Variants in IL1RL2 observed in about 807,000 individuals in gnomAD.
IL1RL2 encodes interleukin-1 receptor-like 2.
A neutral mutation model predicts 66.8 loss-of-function variants in IL1RL2; 68 were observed. That is an observed-to-expected ratio of 1.02 (90% CI 0.84 to 1.25). IL1RL2 has a LOEUF of 1.25. Ranked by LOEUF, IL1RL2 falls within the 50% of genes most tolerant of loss-of-function variation. IL1RL2 has a pLI of 0.00. For missense variants in IL1RL2, 729 were observed against 709.3 expected (o/e 1.03, Z -0.32); for synonymous variants, 305 against 264.6 (o/e 1.15, Z -1.48).
At chr2:102,219,160 C>A in intron 7 of IL1RL2, 78 bp downstream of exon 7, 2 of 1,481,480 alleles carry the variant, frequency 1.3e-6, no homozygotes, top group Non-Finnish European at 9.4e-7. Flanking sequence ...ATCACTACTG[C>A]CTTCTCCTCT....
Position 102,239,776 on chromosome 2 carries a change from T to TG in IL1RL2, c.*540dup, listed in dbSNP as rs1675169123. 7.5e-6 allele frequency: 1 copy of TG among 133,008 alleles called. No individual in the cohort carries two copies. The highest frequency in any genetic ancestry group is 7.2e-5 in the Admixed American group (1 of 13,850). 8.2% of individuals were successfully genotyped at this position (133,008 alleles called of 1,614,324 possible). A position where few individuals can be genotyped will look rare whatever the true frequency, so the allele number is the denominator to read the frequency against. Reference sequence around the variant, plus strand: ...CACCATGTCATGGTGGGTGAGATCTTGGGGGATCACCTGTCATGGTGGGTG... The same window carrying TG: ...CACCATGTCATGGTGGGTGAGATCTTGGGGGGATCACCTGTCATGGTGGGTG... On this transcript the variant is annotated 3_prime_UTR_variant, in exon 12 of 12. Transcript: ENST00000264257.
At chr2:102,229,124 T>C (rs2104874415) in intron 9 of IL1RL2, among the ~76,000 whole-genome samples, 1 of 152,348 alleles carries the variant, frequency 6.6e-6, no homozygotes, top group East Asian at 1.9e-4. Flanking sequence ...AGCAATATCA[T>C]ATTGAGAGAA....
intron 6 of IL1RL2, among the ~76,000 whole-genome samples, chr2:102,216,949 A>G (rs1386129582): frequency 5.9e-5 from 9 of 152,086 alleles, no homozygotes; most frequent in Non-Finnish European, 1.3e-4. Context: ...GTCTGTAGTT[A>G]TTTTTGACCA....
At chr2:102,206,826 C>A (rs1688746405) in intron 5 of IL1RL2, among the ~76,000 whole-genome samples, 1 of 152,256 alleles carries the variant, frequency 6.6e-6, no homozygotes, top group Non-Finnish European at 1.5e-5. Flanking sequence ...GGCTGATTGC[C>A]ACTGGCAAGG....
chr2:102,214,898 G>A (rs1689472592), intron 6 of IL1RL2, among the ~76,000 whole-genome samples: 1 of 152,182 alleles, frequency 6.6e-6, no homozygotes, highest in Non-Finnish European at 1.5e-5. Context: ...TTTGACTAGC[G>A]TGTCTGAAGG....
At chr2:102,233,187 C>T (rs1385188049) in intron 10 of IL1RL2, 63 bp downstream of exon 10, 1 of 1,483,058 alleles carries the variant, frequency 6.7e-7, no homozygotes, top group Non-Finnish European at 9.3e-7. Context: ...CTCTGTTCCT[C>T]CACTTTACTA....
intron 5 of IL1RL2, among the ~76,000 whole-genome samples, chr2:102,203,342 CTCTT>C (rs753718844): frequency 1.1e-4 from 16 of 150,408 alleles, no homozygotes; most frequent in South Asian, 6.3e-4. Context: ...AGTTTTCTCT[CTCTT>C]TTTTTTTTTT....
chr2:102,238,037 A>AT (rs1675024282), intron 11 of IL1RL2, among the ~76,000 whole-genome samples: 1 of 152,162 alleles, frequency 6.6e-6, no homozygotes, highest in Non-Finnish European at 1.5e-5. Context: ...TTATAATTTA[A>AT]TGATTCACAA....
intron 2 of IL1RL2, 25 bp from the exon 3 acceptor site, chr2:102,189,051 T>G (rs764564956): frequency 1.3e-6 from 2 of 1,541,700 alleles, no homozygotes; most frequent in African/African-American, 2.7e-5. Context: ...TGGATAATTG[T>G]TTTGTTTTGT....
In IL1RL2 at chr2:102,235,224, G is replaced by A. The variant is rs531412924; in HGVS notation, c.1625G>A (p.Arg542Gln). Residue 542 changes from arginine to glutamine, a missense_variant, in exon 11 of 12, where the codon CGG becomes CAG. Transcript: ENST00000264257. ...VRYHMPPRRC[R>Q]PFPPVQLLQH... The stretch of plus-strand genomic sequence containing the variant: ...TACCACATGCCGCCCAGAAGGTGTC[G>A]GCCGTTTCCTCCGGTCCAGCTGCTG... 1.7e-5 allele frequency: 27 copies of A among 1,614,130 alleles called. 1 individual carries two copies. The South Asian group carries it at 2.1e-4, about 12-fold the overall frequency.
intron 4 of IL1RL2, 95 bp from the exon 5 acceptor site, chr2:102,201,461 T>C (rs1429905941): frequency 3.6e-5 from 40 of 1,112,162 alleles, no homozygotes; most frequent in Non-Finnish European, 4.8e-5. Context: ...TAGCTATCTG[T>C]TGTCTTCCAG....
chr2:102,230,507 G>A (rs1186094231), intron 9 of IL1RL2, among the ~76,000 whole-genome samples: 1 of 152,168 alleles, frequency 6.6e-6, no homozygotes, highest in African/African-American at 2.4e-5. Context: ...CCCCAACATA[G>A]ATATAAGCTC....
chr2:102,221,358 T>C (rs1016247658), intron 8 of IL1RL2, among the ~76,000 whole-genome samples: 4 of 152,142 alleles, frequency 2.6e-5, no homozygotes, highest in Non-Finnish European at 5.9e-5. Context: ...ACAGGTTCCA[T>C]ATATTGAGCT....
chr2:102,189,438 A>G, intron 3 of IL1RL2, 128 bp downstream of exon 3: 1 of 643,062 alleles, frequency 1.6e-6, no homozygotes, highest in Non-Finnish European at 2.6e-6. Context: ...AATTGCTACA[A>G]GACAATTTCC....
rs1674760225 is a variant in IL1RL2 at position 102,235,199 on chromosome 2, T to C, written c.1600T>C (p.Tyr534His). 2 of 1,614,182 alleles carry C rather than the reference T, an allele frequency of 1.2e-6. No individual in the cohort carries two copies. The highest frequency in any genetic ancestry group is 1.7e-6 in the Non-Finnish European group (2 of 1,180,040). ...MKTKFWKTVR[Y>H]HMPPRRCRPF... ...GACCAAGTTTTGGAAGACAGTGAGA[T>C]ACCACATGCCGCCCAGAAGGTGTCG... Residue 534 changes from tyrosine to histidine, a missense_variant, in exon 11 of 12, where the codon TAC becomes CAC. Physicochemically the swap from Tyr to His is moderately conservative, Grantham distance 83 (BLOSUM62 2). Coordinates refer to ENST00000264257, the MANE Select transcript of IL1RL2 (RefSeq NM_003854.4).
At chr2:102,241,794 G>T (rs542795246), downstream of IL1RL2, among the ~76,000 whole-genome samples, 1 of 152,348 alleles carries the variant, frequency 6.6e-6, no homozygotes, top group Non-Finnish European at 1.5e-5. Flanking sequence ...CCAGGGAAGT[G>T]TATCACCGGC....
chr2:102,213,257 G>A (rs1416615981), intron 6 of IL1RL2, among the ~76,000 whole-genome samples: 1 of 152,118 alleles, frequency 6.6e-6, no homozygotes, highest in Non-Finnish European at 1.5e-5. Flanking sequence ...AAAGTAATGT[G>A]TCTAATACAT....
At chr2:102,203,678 G>C (rs1688461534) in intron 5 of IL1RL2, among the ~76,000 whole-genome samples, 1 of 152,042 alleles carries the variant, frequency 6.6e-6, no homozygotes, top group South Asian at 2.1e-4. Context: ...ATTTCTTCTA[G>C]AGGGATTTCC....
chr2:102,225,601 C>T (rs1356982444), intron 8 of IL1RL2, among the ~76,000 whole-genome samples: 1 of 152,160 alleles, frequency 6.6e-6, no homozygotes, highest in Non-Finnish European at 1.5e-5. Flanking sequence ...GAAAGCAGTT[C>T]TCGTCCAGTT....
Sources: gnomAD v4.1 joint callset for allele counts (sites outside exome capture counted in the v4.1 genomes callset) on GRCh38, gnomAD v4.1.1 for gene constraint, MANE v1.5 for transcripts, NCBI Gene and HGNC (gene_info 2026-07-23, HGNC 2026-07-21) for gene names.